Variants in AGRN observed in about 807,000 individuals in gnomAD.
The protein encoded by AGRN is agrin, also known as agrin proteoglycan.
Under a neutral mutation model 211.0 loss-of-function variants are expected in AGRN, and 106 were observed. The ratio of observed to expected loss-of-function variants is 0.50; its 90% confidence interval spans 0.43 to 0.59. The LOEUF (loss-of-function observed/expected upper bound fraction) is 0.59. AGRN is among the 20% of genes least tolerant of loss of function. AGRN has a pLI of 0.00. For missense variants in AGRN, 3,040 were observed against 2,982.6 expected (o/e 1.02, Z -0.45); for synonymous variants, 1,525 against 1,332.5 (o/e 1.14, Z -3.15).
At position 1,044,272 on chromosome 1, in the gene AGRN, C is replaced by T; in HGVS notation, c.2148+15C>T. 1 of 1,612,752 alleles carries T rather than the reference C, an allele frequency of 6.2e-7. No individual in the cohort carries two copies. The highest frequency in any genetic ancestry group is 8.5e-7 in the Non-Finnish European group (1 of 1,179,854). ...CAGGCAGCCCGGTGAGCTCTGTACCCCTGGCTCTCGGCGGGCGGCGGGGAC... is the reference window on the plus strand; with the variant it reads ...CAGGCAGCCCGGTGAGCTCTGTACCTCTGGCTCTCGGCGGGCGGCGGGGAC... On this transcript the variant is annotated intron_variant, in intron 11 of 35. Transcript: ENST00000379370.
rs1279171338 is a variant in AGRN, at chr1:1,032,810, T to C, written c.464-2467T>C. Among the ~76,000 whole-genome samples the C allele has an allele frequency of 5.3e-5, 8 of 151,982 alleles. No homozygotes were observed. The highest frequency in any genetic ancestry group is 1.9e-4 in the African/African-American group (8 of 41,360). On this transcript the variant is annotated intron_variant, in intron 2 of 35. Coordinates refer to ENST00000379370, the MANE Select transcript of AGRN (RefSeq NM_198576.4). This position sits in a 1 kb window ranked among gnomAD's most constrained non-coding sequence, Gnocchi z 4.7. ...GTGCGCAGGGGTCCCTTCCAAAGGC[T>C]GCGGGTGGCCAGGGGTGTGCGGGGG...
intron 33 of AGRN, chr1:1,052,988 T>A (rs1383668264): frequency 5.8e-6 from 1 of 173,736 alleles, no homozygotes; most frequent in African/African-American, 2.4e-5. Context: ...AGCACTCAGG[T>A]GTGTCTGTGT....
intron 31 of AGRN, 38 bp downstream of exon 31, chr1:1,051,407 GC>G: frequency 6.5e-7 from 1 of 1,544,076 alleles, no homozygotes; most frequent in South Asian, 1.2e-5. Flanking sequence ...GGCCTCCGGG[GC>G]GGGCGGGGTG....
intron 2 of AGRN, among the ~76,000 whole-genome samples, chr1:1,023,107 C>G (rs1397640285): frequency 6.6e-6 from 1 of 152,130 alleles, no homozygotes; most frequent in East Asian, 1.9e-4. Flanking sequence ...ATAGGAGGTC[C>G]CTGTCGCCCC....
chr1:1,029,365 A>ATCTGTGCAGGCAGGTGGGGGGATCAGTG (rs1644595158), intron 2 of AGRN, among the ~76,000 whole-genome samples: 2 of 57,812 alleles, frequency 3.5e-5, no homozygotes, highest in African/African-American at 6.2e-5. Context: ...GATGCCCAAT[A>ATCTGTGCAGGCAGGTGGGGGGATCAGTG]TCTATGCAGG....
chr1:1,053,702 C>G lies in AGRN; in HGVS notation c.5652-51C>G, dbSNP rs563004956. Reference sequence around the variant, plus strand: ...CCCTTGTCCTCCCGCCTCCCCCACCCTGTCCTGTTGCCACCTTCCTAGAGG... The same window carrying G: ...CCCTTGTCCTCCCGCCTCCCCCACCGTGTCCTGTTGCCACCTTCCTAGAGG... On this transcript the variant is annotated intron_variant, in intron 33 of 35. Transcript: ENST00000379370. The G allele has an allele frequency of 5.2e-6, 8 of 1,544,338 alleles. No individual in the cohort carries two copies. In the South Asian group the frequency reaches 9.5e-5, roughly 18 times the overall value.
At chr1:1,035,113 C>T in intron 2 of AGRN, 164 bp from the exon 3 acceptor site, 1 of 798,016 alleles carries the variant, frequency 1.3e-6, no homozygotes. Flanking sequence ...AGACCTCAGC[C>T]AGCCCATGGG....
At chr1:1,028,329 C>G (rs977828284) in intron 2 of AGRN, among the ~76,000 whole-genome samples, 3 of 142,256 alleles carry the variant, frequency 2.1e-5, no homozygotes, top group Admixed American at 6.8e-5. Flanking sequence ...CGCCCCCCCC[C>G]CCCCCCCGCC....
intron 30 of AGRN, 162 bp from the exon 31 acceptor site, chr1:1,051,091 T>G: frequency 6.5e-7 from 1 of 1,543,946 alleles, no homozygotes; most frequent in Non-Finnish European, 8.7e-7. Context: ...CCTCAACCCC[T>G]AGGGTAGCTC....
chr1:1,024,744 C>T (rs1039928193), intron 2 of AGRN, among the ~76,000 whole-genome samples: 1 of 151,632 alleles, frequency 6.6e-6, no homozygotes, highest in African/African-American at 2.4e-5. Context: ...CCTGCCCAGC[C>T]AAGGCCCCTC....
rs760143672 is a variant in AGRN at position 1,022,430 on chromosome 1, G to A, written c.431G>A (p.Arg144Gln). The change falls in exon 2 of 36, where the codon CGG becomes CAG. Residue 144 changes from arginine (R) to glutamine (Q), a missense_variant. Around this residue, in one of 3 missense-constraint regions of AGRN, gnomAD observed 1,498 missense variants for 1,457.8 expected, o/e 1.03. Coordinates refer to ENST00000379370, the MANE Select transcript of AGRN (RefSeq NM_198576.4). The part of the protein sequence containing the change: ...LNSSLMRITL[R>Q]NLEEVEFCVE... ...TCCAGCCTCATGCGGATCACCCTGC[G>A]GAACCTGGAGGAGGTGGAGTTCTGT... 4 of 1,612,242 alleles carry A rather than the reference G, an allele frequency of 2.5e-6. No homozygotes were observed. Among genetic ancestry groups the A allele is most frequent in the Non-Finnish European group, 3.4e-6 (4 of 1,179,048 alleles).
intron 33 of AGRN, chr1:1,052,759 C>T (rs748089505): frequency 1.4e-5 from 2 of 138,094 alleles, no homozygotes; most frequent in East Asian, 2.3e-4. Context: ...GTGCATGGGT[C>T]CATGTGTGTA....
chr1:1,023,098 T>C (rs1461468983), intron 2 of AGRN, among the ~76,000 whole-genome samples: 1 of 152,090 alleles, frequency 6.6e-6, no homozygotes, highest in African/African-American at 2.4e-5. Flanking sequence ...AGGGAAAATA[T>C]AGGAGGTCCC....
intron 2 of AGRN, among the ~76,000 whole-genome samples, chr1:1,027,114 G>A (rs944789864): frequency 3.3e-5 from 5 of 152,220 alleles, no homozygotes; most frequent in African/African-American, 7.2e-5. Flanking sequence ...GGGAAAGGGA[G>A]ACGGCCCCTC....
At chr1:1,035,881 C>T (rs575005908) in intron 3 of AGRN, among the ~76,000 whole-genome samples, 4 of 152,052 alleles carry the variant, frequency 2.6e-5, no homozygotes, top group South Asian at 2.1e-4. Flanking sequence ...CCTTGTTGAC[C>T]TGCTTTGTGA....
In AGRN at chr1:1,055,251, C is replaced by T. The variant is rs911525084; in HGVS notation, c.*270C>T. 1.2e-5 allele frequency: 6 copies of T among 517,076 alleles called. No homozygotes were observed. Among genetic ancestry groups the T allele is most frequent in the African/African-American group, 1.9e-5 (1 of 51,960 alleles). The allele number at this position is 517,076 out of a possible 1,614,324, so 32.0% of individuals were successfully genotyped here. A position where few individuals can be genotyped will look rare whatever the true frequency, so the allele number is the denominator to read the frequency against. ...CCCGCCTTGCACTGCGCCTGCCCCACGGTGTCCCCGCCGGGAAGCAGCCCC... is the reference window on the plus strand; with the variant it reads ...CCCGCCTTGCACTGCGCCTGCCCCATGGTGTCCCCGCCGGGAAGCAGCCCC... On this transcript the variant is annotated 3_prime_UTR_variant, in exon 36 of 36. Coordinates refer to ENST00000379370, the MANE Select transcript of AGRN (RefSeq NM_198576.4).
At position 1,054,520 on chromosome 1, in the gene AGRN, G is replaced by C; in HGVS notation, c.5949G>C (p.Thr1983=). The part of the protein sequence containing the change: ...PVTGSSPLGA[T]QLDTDGALWL... ...CCGGCTCCTCCCCGCTGGGCGCCAC[G>C]CAGCTGGACACTGATGGAGCCCTGT... Residue 1983 remains threonine (T), a synonymous_variant, in exon 35 of 36, where the codon ACG becomes ACC. Coordinates refer to ENST00000379370, the MANE Select transcript of AGRN (RefSeq NM_198576.4). The C allele has an allele frequency of 1.2e-6, 2 of 1,602,766 alleles. No individual in the cohort carries two copies. Among genetic ancestry groups the C allele is most frequent in the South Asian group, 1.1e-5 (1 of 88,990 alleles).
chr1:1,050,174 G>C, intron 27 of AGRN, 59 bp from the exon 28 acceptor site: 1 of 1,602,336 alleles, frequency 6.2e-7, no homozygotes, highest in Non-Finnish European at 8.5e-7. Context: ...CACACGGCTG[G>C]CATGGGGTGC....
At position 1,041,227 on chromosome 1, in the gene AGRN, G is replaced by T; in HGVS notation, c.782G>T (p.Arg261Leu). 1 of 1,481,714 alleles carries T rather than the reference G, an allele frequency of 6.7e-7. No individual in the cohort carries two copies. Among genetic ancestry groups the T allele is most frequent in the Non-Finnish European group, 8.9e-7 (1 of 1,122,420 alleles). The allele number at this position is 1,481,714 out of a possible 1,614,324, so 91.8% of individuals were successfully genotyped here. The change falls in exon 5 of 36, where the codon CGC (arginine) becomes CTC (leucine). Residue 261 changes from arginine to leucine, a missense_variant. Physicochemically the swap from Arg to Leu is moderately radical, Grantham distance 102 (BLOSUM62 -2). Around this residue, in one of 3 missense-constraint regions of AGRN, gnomAD observed 1,498 missense variants for 1,457.8 expected, o/e 1.03. Coordinates refer to ENST00000379370, the MANE Select transcript of AGRN (RefSeq NM_198576.4). ...VTCSFGSTCA[R>L]SADGLTASCL... ...TGCAGCTTCGGCAGCACCTGTGCGC[G>T]CTCGGCCGACGGGCTGACGGCCTCG... is the stretch of plus-strand genomic sequence containing the variant.
Sources: allele counts gnomAD v4.1 joint callset (sites outside exome capture counted in the v4.1 genomes callset), GRCh38; gene constraint gnomAD v4.1.1; regional missense constraint gnomAD v4.1.1; non-coding constraint Gnocchi (gnomAD v3.1); transcripts MANE v1.5; gene names NCBI Gene and HGNC (gene_info 2026-07-23, HGNC 2026-07-21).